FAM171A1: variants seen among roughly 807,000 people sequenced by gnomAD.
The protein encoded by FAM171A1 is family with sequence similarity 171 member A1.
A neutral mutation model predicts 74.9 loss-of-function variants in FAM171A1; 23 were observed. The observed-to-expected ratio is 0.31, with a 90% confidence interval of 0.22 to 0.44. The LOEUF (loss-of-function observed/expected upper bound fraction) is 0.44. Among genes scored for constraint, FAM171A1 ranks in the 20% least tolerant of loss-of-function variants. FAM171A1 has a pLI of 1.00. For synonymous variants in FAM171A1, 527 were observed against 505.7 expected (o/e 1.04, Z -0.57); for missense variants, 1,162 against 1,159.2 (o/e 1.00, Z -0.03).
intron 1 of FAM171A1, among the ~76,000 whole-genome samples, chr10:15,304,411 G>C (rs1029081276): frequency 1.3e-5 from 2 of 152,074 alleles, no homozygotes; most frequent in African/African-American, 4.8e-5. Context: ...TCCCCTAGGG[G>C]CTCTTATATT....
chr10:15,307,030 C>G (rs1205262473), intron 1 of FAM171A1, among the ~76,000 whole-genome samples: 1 of 152,176 alleles, frequency 6.6e-6, no homozygotes, highest in Non-Finnish European at 1.5e-5. Flanking sequence ...GTGCGGATAT[C>G]CACTTACATC....
At chr10:15,300,752 T>C (rs1436517814) in intron 1 of FAM171A1, among the ~76,000 whole-genome samples, 1 of 152,136 alleles carries the variant, frequency 6.6e-6, no homozygotes, top group Non-Finnish European at 1.5e-5. Context: ...CTGTAAGAAA[T>C]GGGGTAGTGG....
At chr10:15,269,636 C>T (rs1834795787) in intron 3 of FAM171A1, among the ~76,000 whole-genome samples, 1 of 152,154 alleles carries the variant, frequency 6.6e-6, no homozygotes, top group Non-Finnish European at 1.5e-5. Flanking sequence ...TAAAGCCACA[C>T]TGGCCTGCTT....
At chr10:15,361,194 G>A (rs1262094542) in intron 1 of FAM171A1, among the ~76,000 whole-genome samples, 3 of 152,102 alleles carry the variant, frequency 2.0e-5, no homozygotes, top group Non-Finnish European at 2.9e-5. Flanking sequence ...CAAAGTACAC[G>A]TGCTTTAATT....
intron 5 of FAM171A1, among the ~76,000 whole-genome samples, chr10:15,234,324 T>G (rs1354947805): frequency 6.6e-6 from 1 of 152,160 alleles, no homozygotes; most frequent in Non-Finnish European, 1.5e-5. Context: ...AAACATCAAC[T>G]TAATGGTGTA....
At chr10:15,256,357 G>C (rs892205209) in intron 3 of FAM171A1, among the ~76,000 whole-genome samples, 2 of 152,146 alleles carry the variant, frequency 1.3e-5, no homozygotes, top group African/African-American at 4.8e-5. Flanking sequence ...GACTTATGTC[G>C]GGGGCAGCCT....
intron 6 of FAM171A1, among the ~76,000 whole-genome samples, chr10:15,217,672 C>G (rs1299016781): frequency 6.7e-6 from 1 of 150,218 alleles, no homozygotes; most frequent in East Asian, 1.9e-4. Context: ...AGTCTTTGCT[C>G]TGTCACCCAG....
At chr10:15,335,192 A>C (rs1363737971) in intron 1 of FAM171A1, among the ~76,000 whole-genome samples, 1 of 152,114 alleles carries the variant, frequency 6.6e-6, no homozygotes, top group African/African-American at 2.4e-5. Flanking sequence ...TGCAGTGAGC[A>C]GAGATCATGC....
intron 3 of FAM171A1, among the ~76,000 whole-genome samples, chr10:15,256,060 T>A (rs1834576885): frequency 6.6e-6 from 1 of 152,172 alleles, no homozygotes; most frequent in Non-Finnish European, 1.5e-5. Context: ...AAAGCATTGT[T>A]AAGAGAAAAA....
intron 1 of FAM171A1, among the ~76,000 whole-genome samples, chr10:15,333,010 C>T (rs1332066040): frequency 6.6e-6 from 1 of 152,208 alleles, no homozygotes; most frequent in Non-Finnish European, 1.5e-5. Context: ...CAACTCTTCC[C>T]TTTACCATCA....
rs532778999 is a variant in FAM171A1 at position 15,254,744 on chromosome 10, C to G, written c.554G>C (p.Arg185Pro). The change falls in exon 4 of 8, where the codon CGA becomes CCA. Residue 185 changes from arginine to proline, a missense_variant. Coordinates refer to ENST00000378116, the MANE Select transcript of FAM171A1 (RefSeq NM_001010924.2). ...ACCTGTTCCATTTCCGTCTAATCCT[C>G]GCAAATAAGGAAAACTGTCCACCTC... is the stretch of plus-strand genomic sequence containing the variant. ...PSEVDSFPYLRGLDGNGTGNS... is the reference protein window; with the variant it reads ...PSEVDSFPYLPGLDGNGTGNS... The G allele has an allele frequency of 6.2e-7, 1 of 1,614,162 alleles. No homozygotes were observed. Among genetic ancestry groups the G allele is most frequent in the African/African-American group, 1.3e-5 (1 of 75,056 alleles).
At chr10:15,267,945 T>C (rs1476951072) in intron 3 of FAM171A1, among the ~76,000 whole-genome samples, 2 of 152,130 alleles carry the variant, frequency 1.3e-5, no homozygotes, top group South Asian at 2.1e-4. Context: ...CTTCAGCATC[T>C]TAGTAAAGGG....
At chr10:15,222,795 C>T (rs1233577723) in intron 5 of FAM171A1, among the ~76,000 whole-genome samples, 2 of 152,356 alleles carry the variant, frequency 1.3e-5, no homozygotes, top group African/African-American at 4.8e-5. Context: ...CAGCGGCACA[C>T]AGTGGGCACG....
At chr10:15,289,271 A>G (rs912581010) in intron 1 of FAM171A1, among the ~76,000 whole-genome samples, 2 of 152,176 alleles carry the variant, frequency 1.3e-5, no homozygotes, top group Non-Finnish European at 2.9e-5. Flanking sequence ...ATTAGTTACT[A>G]CATGACTCTC....
chr10:15,352,737 A>G (rs562282178), intron 1 of FAM171A1, among the ~76,000 whole-genome samples: 107 of 152,352 alleles, frequency 7.0e-4, no homozygotes, highest in Middle Eastern at 3.4e-3. Context: ...ACAAGAATCA[A>G]TTCTAAAGAG....
chr10:15,215,078 G>C (rs143478478), intron 7 of FAM171A1, among the ~76,000 whole-genome samples: 1 of 151,994 alleles, frequency 6.6e-6, no homozygotes, highest in Non-Finnish European at 1.5e-5. Flanking sequence ...ATTAGAGTAG[G>C]ATAATCGAGA....
In FAM171A1 at chr10:15,246,186, A is replaced by T. The variant is rs1276459027; in HGVS notation, c.754+2453T>A. On this transcript the variant is annotated intron_variant, in intron 5 of 7. Coordinates refer to ENST00000378116, the MANE Select transcript of FAM171A1 (RefSeq NM_001010924.2). ...ATCAGGCTCTCAGAGAACACACACCATCAATGAAGTGCCCGTCTTGCTTAC... is the reference window on the plus strand; with the variant it reads ...ATCAGGCTCTCAGAGAACACACACCTTCAATGAAGTGCCCGTCTTGCTTAC... 2.0e-5 allele frequency among the ~76,000 whole-genome samples: 3 copies of T among 152,104 alleles called. No homozygotes were observed. The Admixed American group carries it at 2.0e-4, about 10-fold the overall frequency.
At chr10:15,293,981 A>T (rs1461065311) in intron 1 of FAM171A1, among the ~76,000 whole-genome samples, 2 of 152,196 alleles carry the variant, frequency 1.3e-5, no homozygotes, top group Non-Finnish European at 2.9e-5. Flanking sequence ...GGCTCTGCTC[A>T]TTCTGGTTGG....
chr10:15,288,114 T>C (rs1025661184), intron 1 of FAM171A1, among the ~76,000 whole-genome samples: 3 of 152,218 alleles, frequency 2.0e-5, no homozygotes, highest in Non-Finnish European at 4.4e-5. Flanking sequence ...TCATGGCTGA[T>C]AAGTATTCCA....
Sources: allele counts gnomAD v4.1 joint callset (sites outside exome capture counted in the v4.1 genomes callset), GRCh38; gene constraint gnomAD v4.1.1; transcripts MANE v1.5; gene names NCBI Gene and HGNC (gene_info 2026-07-23, HGNC 2026-07-21).